Variants in NOL10 observed in about 807,000 individuals in gnomAD.
NOL10 encodes the protein nucleolar protein 10.
NOL10 carries 58 observed loss-of-function variants against 103.5 expected under a neutral mutation model. The observed-to-expected ratio is 0.56, with a 90% CI of 0.45 to 0.70. The LOEUF is 0.70. NOL10 is among the 30% of genes least tolerant of loss of function. The pLI is 0.00. For synonymous variants in NOL10, 287 were observed against 282.5 expected (o/e 1.02, Z -0.16); for missense variants, 763 against 807.3 (o/e 0.95, Z 0.67).
chr2:10,685,487 G>GGCCCCCCC (rs1682099062), intron 1 of NOL10, among the ~76,000 whole-genome samples: 1 of 7,290 alleles, frequency 1.4e-4, no homozygotes, highest in Admixed American at 1.5e-3. Context: ...GAGAGACTCC[G>GGCCCCCCC]TCCCCCCCCC....
chr2:10,624,441 C>T (rs1285556075), intron 13 of NOL10, among the ~76,000 whole-genome samples: 1 of 151,850 alleles, frequency 6.6e-6, no homozygotes, highest in Non-Finnish European at 1.5e-5. Context: ...ACACAGTTAT[C>T]TGATGAGTTT....
At chr2:10,584,060 C>A (rs560945193) in intron 19 of NOL10, among the ~76,000 whole-genome samples, 12 of 152,264 alleles carry the variant, frequency 7.9e-5, no homozygotes, top group African/African-American at 2.6e-4. Flanking sequence ...GAAGGCACCC[C>A]CAACCCTTCG....
chr2:10,619,434 G>A (rs1255479453), intron 13 of NOL10, among the ~76,000 whole-genome samples: 3 of 152,188 alleles, frequency 2.0e-5, no homozygotes, highest in African/African-American at 7.2e-5. Context: ...GAGTACAGTT[G>A]TGGCCACCGT....
chr2:10,667,419 G>A lies in NOL10; in HGVS notation c.531-141C>T. The A allele has an allele frequency of 4.4e-6, 3 of 680,056 alleles. No individual in the cohort carries two copies. The South Asian group carries it at 5.3e-5, about 12-fold the overall frequency. The allele number at this position is 680,056 out of a possible 1,614,324, so 42.1% of individuals were successfully genotyped here. A position where few individuals can be genotyped will look rare whatever the true frequency, so the allele number is the denominator to read the frequency against. On this transcript the variant is annotated intron_variant, in intron 7 of 20. Transcript: ENST00000381685. ...ATTCTCTCTTACTAATCTGCAAATG[G>A]AAAACACCAAGGTATGAAAGGGTTA...
Position 10,577,713 on chromosome 2 carries a change from T to C in NOL10, c.1870A>G (p.Ile624Val). 1 of 1,611,336 alleles carries C rather than the reference T, an allele frequency of 6.2e-7. No individual in the cohort carries two copies. The highest frequency in any genetic ancestry group is 8.5e-7 in the Non-Finnish European group (1 of 1,178,432). The stretch of plus-strand genomic sequence containing the variant: ...CTCAATGTCCCATTTTTTGCTTCAA[T>C]TTTCAAACGATCTTCAAGGGTTTTG... ...MNKTLEDRLK[I>V]EAKNGTLSVS... The change falls in exon 20 of 21, where the codon ATT (isoleucine) becomes GTT (valine). Residue 624 changes from isoleucine (I) to valine (V), a missense_variant. Transcript: ENST00000381685.
chr2:10,635,071 A>T (rs1678110617), intron 13 of NOL10, among the ~76,000 whole-genome samples: 1 of 152,196 alleles, frequency 6.6e-6, no homozygotes, highest in South Asian at 2.1e-4. Context: ...ATAATGAGAT[A>T]TCTTGGGATG....
chr2:10,672,950 G>A (rs1270774628), intron 5 of NOL10, among the ~76,000 whole-genome samples: 2 of 151,992 alleles, frequency 1.3e-5, no homozygotes, highest in Non-Finnish European at 2.9e-5. Flanking sequence ...CTGAAATTAC[G>A]CCACTGCCCC....
At chr2:10,656,876 C>T (rs185982831) in intron 11 of NOL10, among the ~76,000 whole-genome samples, 131 of 152,250 alleles carry the variant, frequency 8.6e-4, no homozygotes, top group African/African-American at 2.9e-3. Flanking sequence ...TTTATTTGAT[C>T]AACTCTTTAC....
intron 17 of NOL10, among the ~76,000 whole-genome samples, chr2:10,591,227 C>T (rs184926859): frequency 3.3e-5 from 5 of 152,130 alleles, no homozygotes; most frequent in South Asian, 2.1e-4. Flanking sequence ...AAGGTAAGAT[C>T]GAGTTCCTGA....
intron 13 of NOL10, among the ~76,000 whole-genome samples, chr2:10,626,994 T>C (rs1339347337): frequency 1.3e-5 from 2 of 152,234 alleles, no homozygotes; most frequent in African/African-American, 4.8e-5. Context: ...TCCGCTATTC[T>C]TGTGATCCAA....
intron 13 of NOL10, among the ~76,000 whole-genome samples, chr2:10,630,237 C>T (rs1677743261): frequency 6.6e-6 from 1 of 152,204 alleles, no homozygotes; most frequent in South Asian, 2.1e-4. Flanking sequence ...TCTTTTGTTG[C>T]TCAAGAAACT....
In NOL10 at chr2:10,607,331, G is replaced by C; in HGVS notation, c.1027-20C>G. The C allele has an allele frequency of 6.3e-7, 1 of 1,584,322 alleles. No homozygotes were observed. Among genetic ancestry groups the C allele is most frequent in the Non-Finnish European group, 8.6e-7 (1 of 1,168,902 alleles). ...CAAAACCTGTTGGTGTTTATGAGAA[G>C]GTCAGCAAAGGCACAGTTTACCACG... is the stretch of plus-strand genomic sequence containing the variant. On this transcript the variant is annotated intron_variant, in intron 13 of 20. Transcript: ENST00000381685.
intron 6 of NOL10, among the ~76,000 whole-genome samples, chr2:10,669,654 G>A (rs2148339443): frequency 6.6e-6 from 1 of 151,236 alleles, no homozygotes; most frequent in South Asian, 2.1e-4. Flanking sequence ...AACACTTTGG[G>A]AGGCTGAGGT....
At chr2:10,677,301 C>T (rs1343211580) in intron 3 of NOL10, among the ~76,000 whole-genome samples, 1 of 151,966 alleles carries the variant, frequency 6.6e-6, no homozygotes, top group Admixed American at 6.6e-5. Context: ...AGTCTATCTC[C>T]GTGAAGTGCA....
chr2:10,607,256 A>G lies in NOL10; in HGVS notation c.1082T>C (p.Leu361Ser). 1 of 1,609,870 alleles carries G rather than the reference A, an allele frequency of 6.2e-7. No homozygotes were observed. Among genetic ancestry groups the G allele is most frequent in the Non-Finnish European group, 8.5e-7 (1 of 1,177,764 alleles). ...GACTGTGCTTTCTGGATTCTCTTCT[A>G]ATTCTTCGGTCAAGTTGTCTAAGAA... ...CSFLDNLTEE[L>S]EENPESTVYD... is the part of the protein sequence containing the mutation. The change falls in exon 14 of 21, where the codon TTA becomes TCA. Residue 361 changes from leucine to serine, a missense_variant. Physicochemically the swap from Leu to Ser is moderately radical, Grantham distance 145 (BLOSUM62 -2). Coordinates refer to ENST00000381685, the MANE Select transcript of NOL10 (RefSeq NM_024894.4).
intron 13 of NOL10, among the ~76,000 whole-genome samples, chr2:10,641,095 TGGATCACATGA>T (rs1678669794): frequency 6.8e-6 from 1 of 147,884 alleles, no homozygotes; most frequent in Non-Finnish European, 1.5e-5. Context: ...CCGAGGCAGG[TGGATCACATGA>T]GGTCAGGAGT....
rs566081878 is a variant in NOL10 at position 10,580,731 on chromosome 2, G to A, written c.1845-2993C>T. On this transcript the variant is annotated intron_variant, in intron 19 of 20. Transcript: ENST00000381685. ...AATTTACTTTGGGGTTTTAAAATAC[G>A]AACACACGCGCACACACACATATTT... Among the ~76,000 whole-genome samples the A allele has an allele frequency of 4.6e-5, 7 of 152,066 alleles. No homozygotes were observed. The South Asian group carries it at 1.0e-3, about 23-fold the overall frequency.
At chr2:10,668,622 C>G in intron 7 of NOL10, 36 bp downstream of exon 7, 1 of 1,155,374 alleles carries the variant, frequency 8.7e-7, no homozygotes, top group Non-Finnish European at 1.2e-6. Context: ...ACCTCCTGGT[C>G]AAAATGTATA....
At chr2:10,641,352 A>C (rs1156653444) in intron 13 of NOL10, among the ~76,000 whole-genome samples, 1 of 109,444 alleles carries the variant, frequency 9.1e-6, no homozygotes, top group Non-Finnish European at 1.9e-5. Flanking sequence ...AAAAAACATT[A>C]AAGCTTAAAA....
Sources: gnomAD v4.1 joint callset for allele counts (sites outside exome capture counted in the v4.1 genomes callset) on GRCh38, gnomAD v4.1.1 for gene constraint, MANE v1.5 for transcripts, NCBI Gene and HGNC (gene_info 2026-07-23, HGNC 2026-07-21) for gene names.